ARFGEF3: variants seen among roughly 807,000 people sequenced by gnomAD.
ARFGEF3 encodes the protein brefeldin A-inhibited guanine nucleotide-exchange protein 3.
ARFGEF3 carries 96 observed loss-of-function variants against 221.7 expected under a neutral mutation model. The ratio of observed to expected loss-of-function variants is 0.43; its 90% CI spans 0.37 to 0.51. The LOEUF (loss-of-function observed/expected upper bound fraction) is 0.51. ARFGEF3 is among the 20% of genes least tolerant of loss of function. The probability of loss-of-function intolerance (pLI) is 0.00; values close to 1 mark genes in which losing one functional copy is unlikely to be tolerated. For missense variants in ARFGEF3, 2,410 were observed against 2,789.9 expected (o/e 0.86, Z 3.07); for synonymous variants, 1,145 against 1,126.8 (o/e 1.02, Z -0.32).
At chr6:138,286,223 G>A (rs1408281778) in intron 15 of ARFGEF3, among the ~76,000 whole-genome samples, 170 bp downstream of exon 15, 6 of 152,176 alleles carry the variant, frequency 3.9e-5, no homozygotes, top group Non-Finnish European at 8.8e-5. Context: ...GGCCGAGGCG[G>A]GCAGATCACG....
intron 2 of ARFGEF3, among the ~76,000 whole-genome samples, chr6:138,202,695 A>C (rs971097086): frequency 1.3e-5 from 2 of 148,464 alleles, no homozygotes; most frequent in African/African-American, 5.2e-5. Flanking sequence ...AAAAAAAAAA[A>C]ACCCTGTTTT....
intron 5 of ARFGEF3, among the ~76,000 whole-genome samples, chr6:138,230,692 G>A (rs74382476): frequency 0.029 from 4,459 of 152,264 alleles, 100 homozygotes; most frequent in Middle Eastern, 0.061. Context: ...ATTTTTGAGC[G>A]TGTAGAAAAT....
rs1017174508 is a variant in ARFGEF3 at position 138,341,131 on chromosome 6, T to G, written c.*4645T>G. ...ATGGCAGTGTGTGTCTGGAACGGCA[T>G]GCACAATTTGTAAACCTTTTTCAAA... On this transcript the variant is annotated 3_prime_UTR_variant, in exon 34 of 34. Coordinates refer to ENST00000251691, the MANE Select transcript of ARFGEF3 (RefSeq NM_020340.5). 1.3e-5 allele frequency: 2 copies of G among 152,452 alleles called. No homozygotes were observed. The highest frequency in any genetic ancestry group is 2.9e-5 in the Non-Finnish European group (2 of 68,216). The allele number at this position is 152,452 out of a possible 1,614,324, so 9.4% of individuals were successfully genotyped here.
chr6:138,196,929 G>C (rs903873196), intron 2 of ARFGEF3, among the ~76,000 whole-genome samples: 2 of 152,074 alleles, frequency 1.3e-5, no homozygotes, highest in Non-Finnish European at 2.9e-5. Context: ...CGCCTCCCGG[G>C]TTCAAACGAT....
rs2114464488 is a variant in ARFGEF3 at position 138,189,372 on chromosome 6, G to C, written c.138-17670G>C. On this transcript the variant is annotated intron_variant, in intron 2 of 33. Coordinates refer to ENST00000251691, the MANE Select transcript of ARFGEF3 (RefSeq NM_020340.5). ...GGTTTTACGACATCCCTACTTTATA[G>C]AGAGGAGACTGAGGCTTTGTGAGGA... 1.3e-5 allele frequency among the ~76,000 whole-genome samples: 2 copies of C among 152,300 alleles called. 1 individual carries two copies. The highest frequency in any genetic ancestry group is 4.1e-4 in the South Asian group (2 of 4,832).
At chr6:138,222,229 A>T (rs1035968718) in intron 4 of ARFGEF3, among the ~76,000 whole-genome samples, 10 of 152,150 alleles carry the variant, frequency 6.6e-5, no homozygotes, top group African/African-American at 2.2e-4. Flanking sequence ...CATAAAATAC[A>T]CTAACACTAC....
intron 5 of ARFGEF3, among the ~76,000 whole-genome samples, chr6:138,234,849 T>A (rs1778256265): frequency 6.6e-6 from 1 of 152,208 alleles, no homozygotes; most frequent in East Asian, 1.9e-4. Context: ...ACTAGTATTA[T>A]ATACGATTTT....
chr6:138,332,231 A>AACCATTTCT (rs201934814), intron 32 of ARFGEF3, among the ~76,000 whole-genome samples: 2,042 of 152,220 alleles, frequency 0.013, 42 homozygotes, highest in African/African-American at 0.047. Flanking sequence ...CAAATGTCAG[A>AACCATTTCT]ACCATTTCTC....
intron 2 of ARFGEF3, among the ~76,000 whole-genome samples, chr6:138,187,813 A>G (rs767486090): frequency 6.6e-6 from 1 of 152,194 alleles, no homozygotes; most frequent in African/African-American, 2.4e-5. Context: ...TGATGTGAAC[A>G]GTGTGTCAAG....
chr6:138,226,246 A>G (rs187408379), intron 4 of ARFGEF3, among the ~76,000 whole-genome samples: 15 of 152,210 alleles, frequency 9.9e-5, no homozygotes, highest in Admixed American at 5.2e-4. Context: ...TCCCTCTCTC[A>G]TATTAACGTG....
chr6:138,170,697 C>T lies in ARFGEF3; in HGVS notation c.121C>T (p.Pro41Ser). 1 of 1,584,626 alleles carries T rather than the reference C, an allele frequency of 6.3e-7. No homozygotes were observed. Among genetic ancestry groups the T allele is most frequent in the Non-Finnish European group, 8.7e-7 (1 of 1,153,724 alleles). The change falls in exon 2 of 34, where the codon CCT (proline) becomes TCT (serine). Residue 41 changes from proline to serine, a missense_variant. Around this residue, in one of 5 missense-constraint regions of ARFGEF3, gnomAD observed 570 missense variants for 586.9 expected, o/e 0.97. Transcript: ENST00000251691. ...LGGLDTIVKI[P>S]PHVLREKCLL... ...TGGTCTGGATACCATTGTCAAGATC[C>T]CTCCACATGTACTGAGGTAGGAGAT... is the stretch of plus-strand genomic sequence containing the variant.
intron 2 of ARFGEF3, among the ~76,000 whole-genome samples, chr6:138,204,543 T>C (rs1167039549): frequency 6.6e-6 from 1 of 152,158 alleles, no homozygotes; most frequent in East Asian, 1.9e-4. Flanking sequence ...TGATTGCTTT[T>C]GTGCTTTAGC....
chr6:138,265,531 T>A (rs1471887807), intron 12 of ARFGEF3, among the ~76,000 whole-genome samples: 3 of 152,290 alleles, frequency 2.0e-5, no homozygotes, highest in South Asian at 4.1e-4. Context: ...TAAAAAATTA[T>A]TTTTCTCCCT....
At chr6:138,317,439 G>C (rs1779946404) in intron 27 of ARFGEF3, 60 bp downstream of exon 27, 8 of 1,598,180 alleles carry the variant, frequency 5.0e-6, no homozygotes, top group Non-Finnish European at 6.8e-6. Flanking sequence ...CTTTTCAAGA[G>C]GGTATTTCTG....
At chr6:138,184,170 A>T (rs1399813541) in intron 2 of ARFGEF3, among the ~76,000 whole-genome samples, 1 of 152,214 alleles carries the variant, frequency 6.6e-6, no homozygotes, top group African/African-American at 2.4e-5. Context: ...TTTTAAAATT[A>T]TTCATTAAAA....
chr6:138,242,780 G>A (rs1213686736), intron 6 of ARFGEF3, among the ~76,000 whole-genome samples, 172 bp from the exon 7 acceptor site: 4 of 152,262 alleles, frequency 2.6e-5, no homozygotes, highest in Non-Finnish European at 2.9e-5. Flanking sequence ...CATAAACACC[G>A]TGAATAATGA....
intron 2 of ARFGEF3, among the ~76,000 whole-genome samples, chr6:138,182,996 A>T (rs1777108873): frequency 1.3e-5 from 2 of 152,140 alleles, no homozygotes. Flanking sequence ...GCTTTATTTT[A>T]TAAATCCTAT....
chr6:138,308,238 TATCAGTTAACTGTGGCCTGGG>T (rs1417111029), intron 23 of ARFGEF3, among the ~76,000 whole-genome samples: 1 of 152,192 alleles, frequency 6.6e-6, no homozygotes, highest in Non-Finnish European at 1.5e-5. Context: ...GAACTACTCT[TATCAGTTAACTGTGGCCTGGG>T]AGTACTCTGA....
intron 2 of ARFGEF3, among the ~76,000 whole-genome samples, chr6:138,188,708 A>T (rs913531855): frequency 6.6e-6 from 1 of 152,240 alleles, no homozygotes; most frequent in Non-Finnish European, 1.5e-5. Context: ...CACAACATTT[A>T]TCCTGAGAAA....
Sources: allele counts gnomAD v4.1 joint callset (sites outside exome capture counted in the v4.1 genomes callset), GRCh38; gene constraint gnomAD v4.1.1; regional missense constraint gnomAD v4.1.1; transcripts MANE v1.5; gene names NCBI Gene and HGNC (gene_info 2026-07-23, HGNC 2026-07-21).